Variants in CEP128 observed in about 807,000 individuals in gnomAD.
CEP128 encodes centrosomal protein 128kDa.
Under a neutral mutation model 156.7 loss-of-function variants are expected in CEP128, and 132 were observed. The observed-to-expected ratio is 0.84, with a 90% CI of 0.73 to 0.97. CEP128 has a LOEUF of 0.97. CEP128 is among the 50% of genes least tolerant of loss of function. CEP128 has a pLI of 0.00. For missense variants in CEP128, 1,252 were observed against 1,281.9 expected (o/e 0.98, Z 0.36); for synonymous variants, 469 against 448.9 (o/e 1.04, Z -0.57).
chr14:80,739,752 G>A (rs1253264543), intron 19 of CEP128, among the ~76,000 whole-genome samples: 2 of 152,002 alleles, frequency 1.3e-5, no homozygotes, highest in Non-Finnish European at 2.9e-5. Flanking sequence ...GTCCCTAAAT[G>A]AATCAGGAAG....
At chr14:80,627,813 T>C (rs1893796068) in intron 19 of CEP128, among the ~76,000 whole-genome samples, 1 of 150,810 alleles carries the variant, frequency 6.6e-6, no homozygotes, top group African/African-American at 2.4e-5. Flanking sequence ...GTAAAAACCA[T>C]GTCTGCTCAC....
At chr14:80,592,193 T>G (rs966240223) in intron 19 of CEP128, among the ~76,000 whole-genome samples, 1 of 152,086 alleles carries the variant, frequency 6.6e-6, no homozygotes, top group African/African-American at 2.4e-5. Context: ...TGAAAAACCC[T>G]TCAAAAAAAT....
intron 16 of CEP128, among the ~76,000 whole-genome samples, chr14:80,769,290 T>A (rs78027405): frequency 1.8e-4 from 28 of 152,206 alleles, no homozygotes; most frequent in African/African-American, 6.0e-4. Context: ...TTTTTTTTTT[T>A]AATTATACTT....
At chr14:80,612,440 T>A (rs565518270) in intron 19 of CEP128, among the ~76,000 whole-genome samples, 1 of 152,232 alleles carries the variant, frequency 6.6e-6, no homozygotes, top group Admixed American at 6.5e-5. Flanking sequence ...ATAGAGTCCT[T>A]GTTTATTCCA....
At chr14:80,605,509 A>C (rs1444880758) in intron 19 of CEP128, among the ~76,000 whole-genome samples, 1 of 152,032 alleles carries the variant, frequency 6.6e-6, no homozygotes, top group African/African-American at 2.4e-5. Flanking sequence ...TTTGTTCTTC[A>C]AATCCTCACA....
At chr14:80,537,674 A>C (rs1038974068) in intron 21 of CEP128, among the ~76,000 whole-genome samples, 9 of 152,172 alleles carry the variant, frequency 5.9e-5, no homozygotes, top group Non-Finnish European at 8.8e-5. Context: ...GTTTGCAAAA[A>C]AACAATTCTT....
intron 21 of CEP128, among the ~76,000 whole-genome samples, chr14:80,541,461 AAAAAC>A (rs1485442435): frequency 9.6e-4 from 145 of 150,580 alleles, no homozygotes; most frequent in African/African-American, 3.5e-3. Context: ...AAAAAAAAAA[AAAAAC>A]CAGGAAAAAA....
At chr14:80,885,172 TGGGGAAAGG>T (rs1888737040) in intron 8 of CEP128, among the ~76,000 whole-genome samples, 1 of 152,092 alleles carries the variant, frequency 6.6e-6, no homozygotes, top group Non-Finnish European at 1.5e-5. Flanking sequence ...ACACAGCACC[TGGGGAAAGG>T]GGTGGCTGTG....
intron 19 of CEP128, among the ~76,000 whole-genome samples, chr14:80,606,898 A>T (rs1892801937): frequency 1.3e-5 from 2 of 151,886 alleles, no homozygotes; most frequent in South Asian, 4.1e-4. Flanking sequence ...ATCTAAAATG[A>T]TCTAAAACAA....
At chr14:80,651,228 T>C (rs889141766) in intron 19 of CEP128, among the ~76,000 whole-genome samples, 1 of 152,190 alleles carries the variant, frequency 6.6e-6, no homozygotes, top group African/African-American at 2.4e-5. Flanking sequence ...TACTCTCTGA[T>C]GGTAGTTTGT....
intron 21 of CEP128, among the ~76,000 whole-genome samples, chr14:80,553,129 T>C (rs1319387061): frequency 2.0e-5 from 3 of 152,022 alleles, no homozygotes; most frequent in Non-Finnish European, 4.4e-5. Flanking sequence ...GTGCAGAATG[T>C]GCAGATTTGT....
intron 14 of CEP128, among the ~76,000 whole-genome samples, chr14:80,482,238 C>A (rs964024269): frequency 6.6e-6 from 1 of 152,144 alleles, no homozygotes; most frequent in East Asian, 1.9e-4. Context: ...TTTTAGTAGT[C>A]ACTGATTGGT....
At chr14:80,644,013 A>C (rs982833593) in intron 19 of CEP128, among the ~76,000 whole-genome samples, 17 of 152,258 alleles carry the variant, frequency 1.1e-4, no homozygotes, top group African/African-American at 3.6e-4. Context: ...AAAGAGAGAG[A>C]TTTAGACGCA....
chr14:80,899,889 A>C (rs919837525), intron 7 of CEP128, 49 bp downstream of exon 7: 4 of 1,244,846 alleles, frequency 3.2e-6, no homozygotes, highest in Non-Finnish European at 4.7e-6. Flanking sequence ...AAGCTAATTT[A>C]TTCTCCTCAT....
At chr14:80,705,820 T>C (rs555551015) in intron 19 of CEP128, among the ~76,000 whole-genome samples, 1 of 152,234 alleles carries the variant, frequency 6.6e-6, no homozygotes, top group South Asian at 2.1e-4. Flanking sequence ...AAATTCCAGA[T>C]GGGTGAGTCA....
intron 19 of CEP128, among the ~76,000 whole-genome samples, chr14:80,738,338 A>G (rs1036703970): frequency 6.6e-6 from 1 of 152,194 alleles, no homozygotes; most frequent in Non-Finnish European, 1.5e-5. Context: ...TACAAGTAGC[A>G]TAGAAATTCG....
intron 21 of CEP128, among the ~76,000 whole-genome samples, chr14:80,549,804 T>C (rs1890138167): frequency 1.3e-5 from 2 of 152,200 alleles, no homozygotes; most frequent in African/African-American, 4.8e-5. Flanking sequence ...GTAGAGTGAT[T>C]TGCACATGCA....
chr14:80,732,252 T>C (rs921493621), intron 19 of CEP128, among the ~76,000 whole-genome samples: 25 of 152,250 alleles, frequency 1.6e-4, no homozygotes, highest in African/African-American at 5.5e-4. Context: ...AAGTTTTAAC[T>C]GCAATGGAGT....
chr14:80,793,406 T>A (rs189758133), intron 13 of CEP128, among the ~76,000 whole-genome samples: 1 of 152,310 alleles, frequency 6.6e-6, no homozygotes, highest in East Asian at 1.9e-4. Flanking sequence ...AAGCGAACAA[T>A]GTGCATTATT....
Sources: gnomAD v4.1 joint callset for allele counts (sites outside exome capture counted in the v4.1 genomes callset) on GRCh38, gnomAD v4.1.1 for gene constraint, MANE v1.5 for transcripts, NCBI Gene and HGNC (gene_info 2026-07-23, HGNC 2026-07-21) for gene names.